The following ADGRE3 variants were observed in gnomAD, a reference collection of about 807,000 sequenced individuals.
ADGRE3 encodes EGF-like module receptor 3.
Under a neutral mutation model 80.1 loss-of-function variants are expected in ADGRE3, and 88 were observed. The ratio of observed to expected loss-of-function variants is 1.10; its 90% CI spans 0.93 to 1.31. The LOEUF is 1.31. Among genes scored for constraint, ADGRE3 ranks in the 40% most tolerant of loss-of-function variants. The pLI is 0.00. For synonymous variants in ADGRE3, 281 were observed against 294.8 expected, an observed-to-expected ratio of 0.95 and a Z score of 0.48; for missense variants, 715 against 776.5, an observed-to-expected ratio of 0.92 and a Z score of 0.94.
chr19:14,602,308 G>T, the ADGRE3 span, among the ~76,000 whole-genome samples: 1 of 151,726 alleles, frequency 6.6e-6, no homozygotes, highest in African/African-American at 2.4e-5. Context: ...TGTATTTTTG[G>T]AGACAGGGTC....
At chr19:14,623,574 C>A (rs1009103957) in intron 15 of ADGRE3, among the ~76,000 whole-genome samples, 1 of 152,160 alleles carries the variant, frequency 6.6e-6, no homozygotes, top group Non-Finnish European at 1.5e-5. Flanking sequence ...TGTCCTCCCC[C>A]AGAAAGGTCC....
chr19:14,636,148 T>TCC (rs772007230), intron 11 of ADGRE3, among the ~76,000 whole-genome samples: 5,882 of 96,622 alleles, frequency 0.061, 1,518 homozygotes, highest in Middle Eastern at 0.1. Flanking sequence ...CTTTCTTTCT[T>TCC]TCTTCCTTTC....
chr19:14,607,492 C>A, the ADGRE3 span, among the ~76,000 whole-genome samples: 2 of 150,840 alleles, frequency 1.3e-5, no homozygotes, highest in South Asian at 2.1e-4. Context: ...CGTGAGCCAC[C>A]GCGCCCGGCC....
intron 2 of ADGRE3, among the ~76,000 whole-genome samples, chr19:14,665,476 T>A (rs1972066506): frequency 6.6e-6 from 1 of 151,898 alleles, no homozygotes; most frequent in East Asian, 1.9e-4. Context: ...TTAATGCATT[T>A]TGGATTTTGT....
chr19:14,668,508 T>C (rs1357922288), intron 2 of ADGRE3: 5 of 471,156 alleles, frequency 1.1e-5, no homozygotes, highest in Middle Eastern at 5.4e-4. Flanking sequence ...CTCTCCCCAC[T>C]AGAATGTCTG....
Position 14,647,145 on chromosome 19 carries a change from G to A in ADGRE3, c.882+36C>T, listed in dbSNP as rs756583365. 50 of 1,586,354 alleles carry A rather than the reference G, an allele frequency of 3.2e-5. 2 individuals carry two copies. In the South Asian group the frequency reaches 5.1e-4, roughly 16 times the overall value. On this transcript the variant is annotated intron_variant, in intron 8 of 15. Transcript: ENST00000253673. ...CACACATCGTTTGGCCTGCCTCCTT[G>A]AGAACCCACAAGCTCAAATCATACC...
At chr19:14,648,855 G>T (rs1971490851) in intron 7 of ADGRE3, among the ~76,000 whole-genome samples, 1 of 152,018 alleles carries the variant, frequency 6.6e-6, no homozygotes, top group Non-Finnish European at 1.5e-5. Context: ...GCAGATTTTG[G>T]ACATGTCGGC....
At chr19:14,637,247 A>C (rs1237516955) in intron 11 of ADGRE3, among the ~76,000 whole-genome samples, 2 of 152,090 alleles carry the variant, frequency 1.3e-5, no homozygotes, top group Non-Finnish European at 2.9e-5. Flanking sequence ...TCTCCTGATG[A>C]TTTTGTCTGC....
intron 2 of ADGRE3, among the ~76,000 whole-genome samples, chr19:14,667,806 T>C (rs1972144972): frequency 1.3e-5 from 2 of 152,334 alleles, no homozygotes; most frequent in South Asian, 4.1e-4. Context: ...TGTGCACATG[T>C]ACCCTAGAAC....
intron 11 of ADGRE3, among the ~76,000 whole-genome samples, chr19:14,635,485 C>T (rs888381806): frequency 6.6e-6 from 1 of 150,554 alleles, no homozygotes; most frequent in Admixed American, 6.7e-5. Context: ...GATCTCAGCT[C>T]ACTGCAACCT....
chr19:14,619,826 C>T (rs1475843796), intron 15 of ADGRE3, among the ~76,000 whole-genome samples: 1 of 152,122 alleles, frequency 6.6e-6, no homozygotes, highest in African/African-American at 2.4e-5. Flanking sequence ...GTGCCTGACA[C>T]ACTGTAGTAC....
chr19:14,631,337 TG>T (rs1042559902), intron 13 of ADGRE3, among the ~76,000 whole-genome samples: 23 of 151,324 alleles, frequency 1.5e-4, no homozygotes, highest in African/African-American at 4.1e-4. Context: ...ACAAATACTT[TG>T]TAAATGTATA....
At position 14,656,777 on chromosome 19, in the gene ADGRE3, C is replaced by T. The variant is rs577704722; in HGVS notation, c.394-1612G>A. On this transcript the variant is annotated intron_variant, in intron 5 of 15. Transcript: ENST00000253673. ...GTCCGCAGCTTGATTTTACAGGCTG[C>T]TCTTTGTTAGAAAAGAAAATTTGGG... 8.0e-4 allele frequency among the ~76,000 whole-genome samples: 122 copies of T among 152,288 alleles called. 1 individual carries two copies. The highest frequency in any genetic ancestry group is 2.8e-3 in the African/African-American group (115 of 41,572).
chr19:14,636,081 C>CTTTCTTTCTTT (rs1555755785), intron 11 of ADGRE3, among the ~76,000 whole-genome samples: 1 of 24,676 alleles, frequency 4.1e-5, no homozygotes. Context: ...CTTTCCTTTC[C>CTTTCTTTCTTT]CTTTCTTTCT....
intron 7 of ADGRE3, among the ~76,000 whole-genome samples, chr19:14,649,317 G>A (rs1206993945): frequency 2.4e-5 from 2 of 83,552 alleles, no homozygotes; most frequent in African/African-American, 4.8e-5. Context: ...CCCATCTCTC[G>A]CTTTTGATCT....
chr19:14,617,363 T>TTTCTTTCTTTCC (rs1489334660), downstream of ADGRE3, among the ~76,000 whole-genome samples: 5 of 120,002 alleles, frequency 4.2e-5, no homozygotes, highest in African/African-American at 6.3e-5. Flanking sequence ...TCTTTCTTTC[T>TTTCTTTCTTTCC]TTCTTTCTTT....
At chr19:14,626,821 G>C (rs1429215893) in intron 14 of ADGRE3, among the ~76,000 whole-genome samples, 2 of 152,170 alleles carry the variant, frequency 1.3e-5, no homozygotes, top group African/African-American at 4.8e-5. Context: ...TGAAGGAGGA[G>C]GGAGCTGGGG....
rs1971593359 is a variant in ADGRE3 at position 14,651,072 on chromosome 19, C to T, written c.697+13G>A. 1.9e-6 allele frequency: 3 copies of T among 1,613,848 alleles called. No individual in the cohort carries two copies. Among genetic ancestry groups the T allele is most frequent in the South Asian group, 2.2e-5 (2 of 91,036 alleles). ...TCTGTGTGAAGGATTCTGAATGCAG[C>T]CATCAGGCATACCTTGTGTGTCTCC... On this transcript the variant is annotated intron_variant, in intron 7 of 15. Transcript: ENST00000253673.
At chr19:14,667,581 A>C (rs568784924) in intron 2 of ADGRE3, among the ~76,000 whole-genome samples, 87 of 152,136 alleles carry the variant, frequency 5.7e-4, no homozygotes, top group Admixed American at 1.3e-4. Flanking sequence ...TCAGCAAACT[A>C]TCAGAAGGAC....
Sources: allele counts gnomAD v4.1 joint callset (sites outside exome capture counted in the v4.1 genomes callset), GRCh38; gene constraint gnomAD v4.1.1; transcripts MANE v1.5; gene names NCBI Gene and HGNC (gene_info 2026-07-23, HGNC 2026-07-21).